The following UHRF1 variants were observed in gnomAD, a reference collection of about 807,000 sequenced individuals.
The protein encoded by UHRF1 is E3 ubiquitin-protein ligase UHRF1.
In UHRF1, 9 loss-of-function variants were observed where a neutral mutation model predicts 96.5. That is an observed-to-expected ratio of 0.09 (90% CI 0.06 to 0.16). The LOEUF is 0.16. Among genes scored for constraint, UHRF1 ranks in the 10% least tolerant of loss-of-function variants. The probability of loss-of-function intolerance (pLI) is 1.00; values close to 1 mark genes in which losing one functional copy is unlikely to be tolerated. For missense variants in UHRF1, 626 were observed against 1,131.1 expected (o/e 0.55, Z 6.40); for synonymous variants, 455 against 469.9 (o/e 0.97, Z 0.41).
At chr19:4,940,036 A>C (rs1012539552) in intron 5 of UHRF1, among the ~76,000 whole-genome samples, 52 of 151,984 alleles carry the variant, frequency 3.4e-4, no homozygotes, top group Non-Finnish European at 5.4e-4. Context: ...AAAAAAAAAA[A>C]AACACATGGG....
intron 16 of UHRF1, among the ~76,000 whole-genome samples, chr19:4,959,237 C>T (rs556497951): frequency 6.6e-6 from 1 of 150,542 alleles, no homozygotes; most frequent in African/African-American, 2.4e-5. Context: ...GGCTGAGACA[C>T]GAGAATCCCT....
In UHRF1 at chr19:4,954,125, A is replaced by G. The variant is rs1256452734; in HGVS notation, c.1819-225A>G. Among the ~76,000 whole-genome samples the G allele has an allele frequency of 6.6e-6, 1 of 152,158 alleles. No homozygotes were observed. The highest frequency in any genetic ancestry group is 1.9e-4 in the East Asian group (1 of 5,180). The stretch of plus-strand genomic sequence containing the variant: ...CACTTAGAACAGTGTGCAGTTTACA[A>G]CTTAGGAATTGTTTCTAGAATATTT... On this transcript the variant is annotated intron_variant, in intron 13 of 16. Transcript: ENST00000650932. The surrounding 1 kb of genome is among the most constrained non-coding windows in gnomAD (Gnocchi z 5.9).
intron 2 of UHRF1, among the ~76,000 whole-genome samples, 173 bp from the exon 3 acceptor site, chr19:4,929,049 T>A (rs564744583): frequency 1.3e-5 from 2 of 152,274 alleles, no homozygotes; most frequent in African/African-American, 4.8e-5. Context: ...GGGGTGCCGC[T>A]TGTGAGCGGG....
chr19:4,942,641 G>A (rs74629550), intron 7 of UHRF1, among the ~76,000 whole-genome samples: 1 of 152,084 alleles, frequency 6.6e-6, no homozygotes, highest in Non-Finnish European at 1.5e-5. Flanking sequence ...TAGAGACGGG[G>A]TTTCACCATC....
At position 4,950,735 on chromosome 19, in the gene UHRF1, G is replaced by A; in HGVS notation, c.1642G>A (p.Ala548Thr). ...CAAGGGTGGCAAGAATAGCAAGTAC[G>A]CCCCCGCTGAGGGCAACCGCTACGA... Reference protein sequence around the residue: ...NVKGGKNSKYAPAEGNRYDGI... With the variant: ...NVKGGKNSKYTPAEGNRYDGI... The change falls in exon 12 of 17, where the codon GCC (alanine) becomes ACC (threonine). Residue 548 changes from alanine to threonine, a missense_variant. By Grantham distance (58) the Ala-to-Thr change is moderately conservative (BLOSUM62 0). Coordinates refer to ENST00000650932, the MANE Select transcript of UHRF1 (RefSeq NM_001048201.3). The A allele has an allele frequency of 6.2e-7, 1 of 1,607,924 alleles. No individual in the cohort carries two copies. The highest frequency in any genetic ancestry group is 8.5e-7 in the Non-Finnish European group (1 of 1,176,752).
chr19:4,907,812 A>G (rs549371485), upstream of UHRF1, among the ~76,000 whole-genome samples: 8 of 141,252 alleles, frequency 5.7e-5, no homozygotes, highest in South Asian at 1.8e-3. Context: ...TCCTGGGTTC[A>G]AGCGATTCTC....
intron 16 of UHRF1, among the ~76,000 whole-genome samples, chr19:4,959,459 C>T (rs1052209249): frequency 3.9e-5 from 6 of 152,172 alleles, no homozygotes; most frequent in Non-Finnish European, 7.3e-5. Context: ...AGACATGTGC[C>T]CCCTGCGTAG....
chr19:4,944,403 C>G lies in UHRF1; in HGVS notation c.1258C>G (p.Pro420Ala). 6.2e-7 allele frequency: 1 copy of G among 1,614,068 alleles called. No homozygotes were observed. The highest frequency in any genetic ancestry group is 1.1e-5 in the South Asian group (1 of 91,092). ...CATCGTCCCGTCCAACCACTACGGA[C>G]CCATCCCGGGGATCCCCGTGGGCAC... Reference protein sequence around the residue: ...CTIVPSNHYGPIPGIPVGTMW... With the variant: ...CTIVPSNHYGAIPGIPVGTMW... The change falls in exon 9 of 17, where the codon CCC becomes GCC. Residue 420 changes from proline to alanine, a missense_variant. This residue lies in a region of UHRF1 where 69 missense variants were observed against 159.8 expected (regional missense o/e 0.43). Coordinates refer to ENST00000650932, the MANE Select transcript of UHRF1 (RefSeq NM_001048201.3).
At position 4,941,527 on chromosome 19, in the gene UHRF1, G is replaced by T; in HGVS notation, c.786-1G>T. On this transcript the variant is annotated splice_acceptor_variant, in intron 5 of 16. Coordinates refer to ENST00000650932, the MANE Select transcript of UHRF1 (RefSeq NM_001048201.3). LOFTEE classifies it high-confidence loss of function. ...TGTTCCAGCGTCCTCGTTCCTTGCA[G>T]GGATGATTCTCTGAACGACTGTCGG... 6.2e-7 allele frequency: 1 copy of T among 1,612,430 alleles called. No homozygotes were observed.
intron 13 of UHRF1, among the ~76,000 whole-genome samples, chr19:4,951,214 T>C (rs908535642): frequency 1.1e-4 from 17 of 152,214 alleles, no homozygotes; most frequent in Admixed American, 9.8e-4. Flanking sequence ...TATAATGAGC[T>C]GAGATTGCGC....
intron 1 of UHRF1, among the ~76,000 whole-genome samples, chr19:4,904,138 C>T (rs1358876386): frequency 2.6e-5 from 4 of 151,522 alleles, no homozygotes; most frequent in Non-Finnish European, 2.9e-5. Flanking sequence ...GTTACAGGCA[C>T]CTGCCCCCGT....
intron 2 of UHRF1, among the ~76,000 whole-genome samples, chr19:4,926,688 C>A (rs1020542507): frequency 6.6e-6 from 1 of 151,808 alleles, no homozygotes; most frequent in African/African-American, 2.4e-5. Flanking sequence ...ATTACTTGAG[C>A]CCAAGGTTCG....
intron 16 of UHRF1, among the ~76,000 whole-genome samples, chr19:4,960,094 C>A (rs937208815): frequency 3.9e-5 from 6 of 152,118 alleles, no homozygotes; most frequent in Non-Finnish European, 7.4e-5. Flanking sequence ...CTCAAGTGAT[C>A]TGCCCCCCTC....
In UHRF1 at chr19:4,960,683, A is replaced by G. The variant is rs574919827; in HGVS notation, c.2262A>G (p.Ala754=). ...ACTGCCTGGACAGATCCTTTCGGGC[A>G]CAGGTGTTCAGCTGCCCTGCCTGCC... is the stretch of plus-strand genomic sequence containing the variant. ...CKDCLDRSFR[A]QVFSCPACRY... The change falls in exon 17 of 17, where the codon GCA becomes GCG. Residue 754 remains alanine (A), a synonymous_variant. Coordinates refer to ENST00000650932, the MANE Select transcript of UHRF1 (RefSeq NM_001048201.3). The G allele has an allele frequency of 1.2e-5, 20 of 1,610,004 alleles. 1 individual carries two copies. In the South Asian group the frequency reaches 2.0e-4, roughly 16 times the overall value.
At chr19:4,905,632 C>T (rs1013189294), upstream of UHRF1, among the ~76,000 whole-genome samples, 7 of 152,008 alleles carry the variant, frequency 4.6e-5, no homozygotes, top group African/African-American at 9.7e-5. Context: ...ATTCTTCTGC[C>T]TCTGCCTCCC....
chr19:4,926,383 C>T (rs985606048), intron 2 of UHRF1, among the ~76,000 whole-genome samples: 3 of 152,256 alleles, frequency 2.0e-5, no homozygotes, highest in Non-Finnish European at 4.4e-5. Flanking sequence ...CAGGCAGCGC[C>T]TAGCATGTCA....
intron 2 of UHRF1, among the ~76,000 whole-genome samples, chr19:4,928,613 A>G (rs1011949847): frequency 1.3e-5 from 2 of 152,184 alleles, no homozygotes; most frequent in Admixed American, 1.3e-4. Context: ...CTGGAGCCTT[A>G]CCCAGGAAGC....
intron 3 of UHRF1, among the ~76,000 whole-genome samples, chr19:4,929,935 A>T (rs2032995726): frequency 6.6e-6 from 1 of 150,584 alleles, no homozygotes; most frequent in South Asian, 2.1e-4. Context: ...TGAGTAGCTG[A>T]TGTTATAGGC....
In UHRF1 at chr19:4,911,041, ACACCCGCCGCCAG is replaced by A; in HGVS notation, c.153+8_153+20del. Reference sequence around the variant, plus strand: ...GGCTGTTCTACAGGGGCAAACAGGTACACCCGCCGCCAGCACCTTTGTTCTATGCCTGGTCCAG... The same window carrying A: ...GGCTGTTCTACAGGGGCAAACAGGTACACCTTTGTTCTATGCCTGGTCCAG... On this transcript the variant is annotated splice_donor_5th_base_variant and intron_variant, in intron 2 of 16. Coordinates refer to ENST00000650932, the MANE Select transcript of UHRF1 (RefSeq NM_001048201.3). 1 of 1,580,916 alleles carries A rather than the reference ACACCCGCCGCCAG, an allele frequency of 6.3e-7. No homozygotes were observed.
Sources: allele counts gnomAD v4.1 joint callset (sites outside exome capture counted in the v4.1 genomes callset), GRCh38; gene constraint gnomAD v4.1.1; regional missense constraint gnomAD v4.1.1; non-coding constraint Gnocchi (gnomAD v3.1); transcripts MANE v1.5; gene names NCBI Gene and HGNC (gene_info 2026-07-23, HGNC 2026-07-21).